LACTBL1: variants seen among roughly 807,000 people sequenced by gnomAD.
The protein encoded by LACTBL1 is lactamase beta like 1, also known as beta-lactamase-like protein 1.
LACTBL1 carries 29 observed loss-of-function variants against 39.6 expected under a neutral mutation model. The observed-to-expected ratio is 0.73, with a 90% CI of 0.55 to 1.00. LACTBL1 has a LOEUF of 1.00. Ranked by LOEUF, LACTBL1 falls within the 50% of genes least tolerant of loss-of-function variation. LACTBL1 has a pLI of 0.00. For missense variants in LACTBL1, 711 were observed against 748.5 expected (o/e 0.95, Z 0.59); for synonymous variants, 361 against 360.7 (o/e 1.00, Z -0.01).
intron 4 of LACTBL1, among the ~76,000 whole-genome samples, chr1:22,957,471 C>G (rs1021150546): frequency 2.0e-5 from 3 of 151,992 alleles, no homozygotes; most frequent in Non-Finnish European, 4.4e-5. Context: ...ATTTAAATTC[C>G]CAGCATTGAT....
chr1:22,960,430 A>G (rs1036817174), intron 2 of LACTBL1, among the ~76,000 whole-genome samples: 25 of 152,140 alleles, frequency 1.6e-4, no homozygotes, highest in African/African-American at 5.5e-4. Flanking sequence ...AGCCTGGCCA[A>G]CATGGTGAAA....
At chr1:22,960,391 A>G (rs2013948) in intron 2 of LACTBL1, among the ~76,000 whole-genome samples, 38,146 of 151,872 alleles carry the variant, frequency 0.25, 5,403 homozygotes, top group African/African-American at 0.36. Flanking sequence ...CAAGGCGGGC[A>G]GATCACCTGA....
At chr1:22,964,288 T>C (rs309512) in intron 1 of LACTBL1, among the ~76,000 whole-genome samples, 6,155 of 152,274 alleles carry the variant, frequency 0.04, 403 homozygotes, top group African/African-American at 0.14. Context: ...TGGCTGGCTT[T>C]GTGACTTGCT....
exon 2 of LACTBL1, chr1:22,963,189 G>A (rs1640843387): frequency 1.5e-6 from 2 of 1,344,716 alleles, no homozygotes; most frequent in South Asian, 2.1e-5. Context: ...CCTCACAGGG[G>A]CAGAGGTCTC....
upstream of LACTBL1, chr1:22,965,345 T>A (rs2124239151): frequency 1.6e-6 from 2 of 1,288,958 alleles, no homozygotes; most frequent in Non-Finnish European, 9.9e-7. Flanking sequence ...TCATGACCAC[T>A]GAGAGCAGGC....
chr1:22,969,531 T>C (rs1360438661), upstream of LACTBL1, among the ~76,000 whole-genome samples: 1 of 152,080 alleles, frequency 6.6e-6, no homozygotes, highest in African/African-American at 2.4e-5. Flanking sequence ...CAGACGCTGT[T>C]CTACAGGAAA....
upstream of LACTBL1, among the ~76,000 whole-genome samples, chr1:22,967,589 CATAG>C (rs1640894486): frequency 6.6e-6 from 1 of 150,470 alleles, no homozygotes; most frequent in Non-Finnish European, 1.5e-5. Context: ...CACACACATA[CATAG>C]ATATACACAC....
At chr1:22,971,533 T>C in the LACTBL1 span, among the ~76,000 whole-genome samples, 166 of 152,056 alleles carry the variant, frequency 1.1e-3, no homozygotes, top group African/African-American at 4.0e-3. Context: ...CCTTCTCAGG[T>C]GTTCTGTGCC....
chr1:22,967,621 T>TAA (rs1640894777), upstream of LACTBL1, among the ~76,000 whole-genome samples: 2 of 151,906 alleles, frequency 1.3e-5, no homozygotes, highest in East Asian at 3.9e-4. Context: ...CACATATATA[T>TAA]AATGGTTCCA....
exon 4 of LACTBL1, chr1:22,958,780 G>A (rs1640787136): frequency 2.6e-6 from 4 of 1,550,672 alleles, no homozygotes; most frequent in South Asian, 1.2e-5. Context: ...CTGCTGTTCG[G>A]CTGATGCCAG....
intron 5 of LACTBL1, 119 bp from the exon 8 acceptor site, chr1:22,954,143 C>G (rs1314899630): frequency 3.5e-6 from 5 of 1,438,828 alleles, no homozygotes; most frequent in Non-Finnish European, 3.7e-6. Context: ...CCCCTGCATC[C>G]CAGGTGGTCA....
chr1:22,958,470 G>T (rs1361815474), intron 4 of LACTBL1, among the ~76,000 whole-genome samples: 3 of 152,172 alleles, frequency 2.0e-5, no homozygotes, highest in African/African-American at 7.2e-5. Flanking sequence ...TCATCTTGAT[G>T]TTTCTACTTG....
chr1:22,955,758 A>G (rs1338649218), intron 4 of LACTBL1, among the ~76,000 whole-genome samples: 2 of 152,156 alleles, frequency 1.3e-5, no homozygotes, highest in African/African-American at 2.4e-5. Flanking sequence ...AATAATTGCT[A>G]TCATCAACTA....
chr1:22,955,217 G>C, intron 5 of LACTBL1, 104 bp downstream of exon 7: 1 of 890,742 alleles, frequency 1.1e-6, no homozygotes, highest in Middle Eastern at 2.3e-4. Flanking sequence ...GGTCTCTCCC[G>C]GCTCTGCCAA....
exon 3 of LACTBL1, chr1:22,960,020 A>G (rs1158495670): frequency 1.3e-6 from 2 of 1,551,032 alleles, no homozygotes; most frequent in Non-Finnish European, 8.7e-7. Flanking sequence ...TGTCCAGAGC[A>G]CAGTATCATT....
upstream of LACTBL1, among the ~76,000 whole-genome samples, chr1:22,968,617 A>T (rs1570504424): frequency 6.6e-6 from 1 of 151,236 alleles, no homozygotes; most frequent in African/African-American, 2.4e-5. Flanking sequence ...CTTGATTTTC[A>T]CTCTGTGTTG....
At chr1:22,965,223 G>T in intron 1 of LACTBL1, 67 bp downstream of exon 3, 2 of 1,256,808 alleles carry the variant, frequency 1.6e-6, no homozygotes, top group Non-Finnish European at 2.0e-6. Context: ...AATCAGGGGT[G>T]GCAGCTCAAA....
chr1:22,958,459 C>T (rs1177223468), intron 4 of LACTBL1, among the ~76,000 whole-genome samples: 1 of 152,230 alleles, frequency 6.6e-6, no homozygotes, highest in Non-Finnish European at 1.5e-5. Context: ...GACCTGCCAA[C>T]TCATCTTGAT....
exon 6 of LACTBL1, chr1:22,953,198 C>T (rs943729263): frequency 2.8e-5 from 35 of 1,232,020 alleles, no homozygotes; most frequent in Middle Eastern, 3.1e-4. Context: ...CACGCGTCGC[C>T]GAGTGGCAGT....
Sources: gnomAD v4.1 joint callset for allele counts (sites outside exome capture counted in the v4.1 genomes callset) on GRCh38, gnomAD v4.1.1 for gene constraint, MANE v1.5 for transcripts, NCBI Gene and HGNC (gene_info 2026-07-23, HGNC 2026-07-21) for gene names.